The following QRICH1 variants were observed in gnomAD, a reference collection of about 807,000 sequenced individuals.
The protein encoded by QRICH1 is transcriptional regulator QRICH1.
Under a neutral mutation model 87.1 loss-of-function variants are expected in QRICH1, and 16 were observed. That is an observed-to-expected ratio of 0.18 (90% CI 0.12 to 0.28). The LOEUF (loss-of-function observed/expected upper bound fraction) is 0.28. Ranked by LOEUF, QRICH1 falls within the 10% of genes least tolerant of loss-of-function variation. QRICH1 has a pLI of 1.00. For synonymous variants in QRICH1, 367 were observed against 368.4 expected, an observed-to-expected ratio of 1.00 and a Z score of 0.05; for missense variants, 647 against 951.7, an observed-to-expected ratio of 0.68 and a Z score of 4.21.
chr3:49,033,351 A>G lies in QRICH1; in HGVS notation c.1787-123T>C, dbSNP rs982501917. ...TAAATTTCATCAGGGGACTCTCCCT[A>G]AAGTGTGGCAAAAATCATCTGGAAA... On this transcript the variant is annotated intron_variant, in intron 6 of 9. Coordinates refer to ENST00000395443, the MANE Select transcript of QRICH1 (RefSeq NM_198880.3). 1.6e-5 allele frequency: 8 copies of G among 500,662 alleles called. No individual in the cohort carries two copies. The East Asian group carries it at 2.1e-4, about 13-fold the overall frequency. 31.0% of individuals were successfully genotyped at this position (500,662 alleles called of 1,614,324 possible). A position where few individuals can be genotyped will look rare whatever the true frequency, so the allele number is the denominator to read the frequency against.
chr3:49,031,845 C>T (rs983888116), intron 9 of QRICH1, among the ~76,000 whole-genome samples: 3 of 152,120 alleles, frequency 2.0e-5, no homozygotes, highest in Admixed American at 6.6e-5. Context: ...TGAGAGGAGT[C>T]TCACCTAGAT....
At position 49,030,079 on chromosome 3, in the gene QRICH1, T is replaced by TG; in HGVS notation, c.*372dup. ...GTCTGTCAGCCCAGTGGAAGTCGGCTGGGGAGATTCCCTCCAGGGTCCATC... is the reference window on the plus strand; with the variant it reads ...GTCTGTCAGCCCAGTGGAAGTCGGCTGGGGGAGATTCCCTCCAGGGTCCATC... On this transcript the variant is annotated 3_prime_UTR_variant, in exon 10 of 10. Coordinates refer to ENST00000395443, the MANE Select transcript of QRICH1 (RefSeq NM_198880.3). The TG allele has an allele frequency of 3.0e-6, 1 of 336,042 alleles. No individual in the cohort carries two copies. The highest frequency in any genetic ancestry group is 5.4e-6 in the Non-Finnish European group (1 of 186,320). The allele number at this position is 336,042 out of a possible 1,614,324, so 20.8% of individuals were successfully genotyped here.
At chr3:49,070,074 A>C in intron 2 of QRICH1, among the ~76,000 whole-genome samples, 1 of 150,794 alleles carries the variant, frequency 6.6e-6, no homozygotes. Flanking sequence ...TTTCGCTCAC[A>C]TTGCCCAGTC....
intron 3 of QRICH1, among the ~76,000 whole-genome samples, chr3:49,054,144 C>T (rs1279107402): frequency 1.3e-5 from 2 of 152,060 alleles, no homozygotes; most frequent in African/African-American, 4.8e-5. Flanking sequence ...GAACACTGGC[C>T]CACTAAAATG....
intron 6 of QRICH1, among the ~76,000 whole-genome samples, chr3:49,044,044 G>C (rs35855201): frequency 1.7e-4 from 26 of 152,242 alleles, no homozygotes; most frequent in Non-Finnish European, 2.2e-4. Flanking sequence ...TGTCCAGAAG[G>C]CTGCCTGTGA....
At chr3:49,043,496 C>CCA (rs1349935967) in intron 6 of QRICH1, among the ~76,000 whole-genome samples, 1 of 37,630 alleles carries the variant, frequency 2.7e-5, no homozygotes, top group Non-Finnish European at 6.1e-5. Flanking sequence ...AACTCTGTCT[C>CCA]AAAAAAAAAA....
chr3:49,057,488 T>C lies in QRICH1; in HGVS notation c.712A>G (p.Thr238Ala). 1 of 1,609,660 alleles carries C rather than the reference T, an allele frequency of 6.2e-7. No individual in the cohort carries two copies. The highest frequency in any genetic ancestry group is 1.1e-5 in the South Asian group (1 of 90,212). Residue 238 changes from threonine (T) to alanine (A), a missense_variant, in exon 3 of 10, where the codon ACG becomes GCG. By Grantham distance (58) the Thr-to-Ala change is moderately conservative. Coordinates refer to ENST00000395443, the MANE Select transcript of QRICH1 (RefSeq NM_198880.3). The surrounding 1 kb of genome is among the most constrained non-coding windows in gnomAD (Gnocchi z 5.4). ...SPREGERRVGTASVLQPVKKR... is the reference protein window; with the variant it reads ...SPREGERRVGAASVLQPVKKR... ...TTCACTGGTTGGAGGACACTGGCCG[T>C]GCCAACCCGCCGCTCCCCTTCCCGG...
At chr3:49,083,784 C>T (rs574126960) in intron 1 of QRICH1, among the ~76,000 whole-genome samples, 1 of 151,844 alleles carries the variant, frequency 6.6e-6, no homozygotes, top group African/African-American at 2.4e-5. Flanking sequence ...AAAAAATTAG[C>T]CAGGTGTGGT....
intron 2 of QRICH1, among the ~76,000 whole-genome samples, chr3:49,075,705 T>C (rs926507123): frequency 3.3e-5 from 5 of 151,912 alleles, no homozygotes; most frequent in African/African-American, 7.3e-5. Context: ...CTTTGGCACT[T>C]TGGGAGGCCA....
chr3:49,077,003 T>C lies in QRICH1; in HGVS notation c.15A>G (p.Leu5=). 1 of 1,492,708 alleles carries C rather than the reference T, an allele frequency of 6.7e-7. No homozygotes were observed. Among genetic ancestry groups the C allele is most frequent in the South Asian group, 1.4e-5 (1 of 73,204 alleles). 92.5% of individuals were successfully genotyped at this position (1,492,708 alleles called of 1,614,324 possible). The change falls in exon 2 of 10, where the codon CTA becomes CTG. Residue 5 remains leucine (L), a synonymous_variant. Transcript: ENST00000395443. Reference sequence around the variant, plus strand: ...ACTCTTCAAAGGAGATGGTGTTCTCTAGGGAATTATTCATATTGCAGAGTC... The same window carrying C: ...ACTCTTCAAAGGAGATGGTGTTCTCCAGGGAATTATTCATATTGCAGAGTC... The part of the protein sequence containing the change: MNNS[L]ENTISFEEYI...
At chr3:49,037,640 G>A (rs866541586) in intron 6 of QRICH1, among the ~76,000 whole-genome samples, 6 of 149,164 alleles carry the variant, frequency 4.0e-5, no homozygotes, top group South Asian at 4.3e-4. Context: ...GCTGAGGCAG[G>A]AGAATCACTT....
intron 1 of QRICH1, among the ~76,000 whole-genome samples, chr3:49,079,395 TAAATAAATA>T (rs2042013869): frequency 6.7e-6 from 1 of 148,944 alleles, no homozygotes; most frequent in Non-Finnish European, 1.5e-5. Flanking sequence ...TTAAAAGAAA[TAAATAAATA>T]AAATAAAATA....
intron 6 of QRICH1, 72 bp from the exon 7 acceptor site, chr3:49,033,300 T>G: frequency 1.1e-6 from 1 of 951,308 alleles, no homozygotes; most frequent in Non-Finnish European, 1.5e-6. Context: ...ATGGGATGTG[T>G]GAAGCATAAG....
At chr3:49,041,926 C>T (rs895100147) in intron 6 of QRICH1, among the ~76,000 whole-genome samples, 24 of 152,030 alleles carry the variant, frequency 1.6e-4, no homozygotes, top group African/African-American at 5.8e-4. Flanking sequence ...GTGTGAACCA[C>T]AGCTCCCAGC....
intron 6 of QRICH1, among the ~76,000 whole-genome samples, chr3:49,040,749 G>A (rs2093305229): frequency 6.6e-6 from 1 of 152,184 alleles, no homozygotes; most frequent in Non-Finnish European, 1.5e-5. Flanking sequence ...GAATGCAACT[G>A]CTGCATCATA....
chr3:49,042,471 T>G (rs2093316300), intron 6 of QRICH1, among the ~76,000 whole-genome samples: 1 of 152,178 alleles, frequency 6.6e-6, no homozygotes, highest in Non-Finnish European at 1.5e-5. Context: ...CATGCCGAAT[T>G]ATTCCAACTA....
intron 2 of QRICH1, among the ~76,000 whole-genome samples, chr3:49,067,542 T>C (rs965239771): frequency 4.6e-5 from 7 of 151,204 alleles, no homozygotes; most frequent in African/African-American, 1.2e-4. Context: ...CACTCCAGCC[T>C]AGGTGAAAGA....
At chr3:49,079,794 A>C (rs1263193638) in intron 1 of QRICH1, among the ~76,000 whole-genome samples, 1 of 152,106 alleles carries the variant, frequency 6.6e-6, no homozygotes, top group Non-Finnish European at 1.5e-5. Context: ...TTTGGGAGGC[A>C]AAGGCAGGCA....
chr3:49,092,084 A>G (rs1276269741), intron 1 of QRICH1, among the ~76,000 whole-genome samples: 1 of 152,148 alleles, frequency 6.6e-6, no homozygotes, highest in Admixed American at 6.6e-5. Flanking sequence ...AAAAAAAAAA[A>G]AAGTCAAAAT....
Sources: allele counts gnomAD v4.1 joint callset (sites outside exome capture counted in the v4.1 genomes callset), GRCh38; gene constraint gnomAD v4.1.1; non-coding constraint Gnocchi (gnomAD v3.1); transcripts MANE v1.5; gene names NCBI Gene and HGNC (gene_info 2026-07-23, HGNC 2026-07-21).